COL4A5: variants seen among roughly 807,000 people sequenced by gnomAD.
COL4A5 encodes collagen type IV alpha 5 chain.
A neutral mutation model predicts 130.2 loss-of-function variants in COL4A5; 26 were observed. The observed-to-expected ratio is 0.20, with a 90% CI of 0.15 to 0.28. COL4A5 has a LOEUF of 0.28. COL4A5 is among the 10% of genes least tolerant of loss of function. COL4A5 has a pLI of 1.00. For synonymous variants in COL4A5, 496 were observed against 439.6 expected, an observed-to-expected ratio of 1.13 and a Z score of -1.60; for missense variants, 1,131 against 1,344.3, an observed-to-expected ratio of 0.84 and a Z score of 2.48.
chrX:108,633,932 T>G (rs1280403499), intron 36 of COL4A5, among the ~76,000 whole-genome samples: 1 of 111,746 alleles, frequency 8.9e-6, no homozygotes, highest in Non-Finnish European at 1.9e-5. Flanking sequence ...TTAACACCGA[T>G]CCACAACAAC....
chrX:108,680,612 A>G, intron 44 of COL4A5, 67 bp from the exon 45 acceptor site: 1 of 826,552 alleles, frequency 1.2e-6, no homozygotes, highest in Non-Finnish European at 1.8e-6. Context: ...TGTAATTCTT[A>G]TGCCCTCAAT....
intron 1 of COL4A5, among the ~76,000 whole-genome samples, chrX:108,536,202 T>C (rs1265068785): frequency 9.0e-6 from 1 of 111,199 alleles, no homozygotes; most frequent in Non-Finnish European, 1.9e-5. Flanking sequence ...TAGCACCATA[T>C]GTTGAAAAAT....
At chrX:108,504,779 A>G (rs1464317793) in intron 1 of COL4A5, among the ~76,000 whole-genome samples, 1 of 112,318 alleles carries the variant, frequency 8.9e-6, no homozygotes. Context: ...GAACACTTCT[A>G]CACTGCTGGT....
chrX:108,508,154 A>C (rs764096072), intron 1 of COL4A5, among the ~76,000 whole-genome samples: 4 of 111,356 alleles, frequency 3.6e-5, no homozygotes, highest in African/African-American at 1.3e-4. Context: ...GTCTTGGCCC[A>C]GAAGCTCCTT....
At chrX:108,516,898 T>C (rs781673196) in intron 1 of COL4A5, among the ~76,000 whole-genome samples, 155 of 111,678 alleles carry the variant, frequency 1.4e-3, no homozygotes, top group Non-Finnish European at 2.5e-3. Context: ...AGTGTTAGCC[T>C]ACGGTGCTAT....
intron 49 of COL4A5, among the ~76,000 whole-genome samples, chrX:108,691,778 A>G (rs1340926571): frequency 8.9e-6 from 1 of 112,049 alleles, no homozygotes; most frequent in Non-Finnish European, 1.9e-5. Context: ...ACAAGTTTAT[A>G]TATTTTCTAT....
chrX:108,542,842 A>G (rs2065570375), intron 2 of COL4A5, among the ~76,000 whole-genome samples: 2 of 105,625 alleles, frequency 1.9e-5, no homozygotes, highest in South Asian at 8.5e-4. Context: ...TTTGATTTGC[A>G]TTTCTCTGAT....
intron 1 of COL4A5, among the ~76,000 whole-genome samples, chrX:108,502,519 A>G (rs1395055616): frequency 9.0e-6 from 1 of 111,376 alleles, no homozygotes; most frequent in South Asian, 3.8e-4. Flanking sequence ...TCCCGACCTC[A>G]GGTGATCTGC....
intron 50 of COL4A5, among the ~76,000 whole-genome samples, chrX:108,693,390 A>G (rs2068668052): frequency 9.0e-6 from 1 of 111,662 alleles, no homozygotes; most frequent in South Asian, 3.7e-4. Context: ...ATAAATGACA[A>G]TGGGTAATAA....
chrX:108,485,782 G>A (rs769812100), intron 1 of COL4A5, among the ~76,000 whole-genome samples: 37 of 110,578 alleles, frequency 3.3e-4, no homozygotes, highest in Non-Finnish European at 6.2e-4. Context: ...GGTTGAGGGA[G>A]CGGTGACACA....
intron 36 of COL4A5, among the ~76,000 whole-genome samples, chrX:108,634,625 G>A (rs1475030341): frequency 1.8e-5 from 2 of 111,081 alleles, no homozygotes; most frequent in Non-Finnish European, 3.8e-5. Flanking sequence ...AATTACTCTT[G>A]GTAACTTTTT....
rs773965814 is a variant in COL4A5 at position 108,681,788 on chromosome X, A to C, written c.4116A>C (p.Gly1372=). Residue 1372 remains glycine (G), a synonymous_variant, in exon 47 of 53, where the codon GGA becomes GGC. Transcript: ENST00000328300. The stretch of plus-strand genomic sequence containing the variant: ...CTCCTGGATTACCTGGTCCTTCAGG[A>C]CAGAGTATCATAATTAAAGGAGATG... ...PGPPGLPGPS[G]QSIIIKGDAG... 2.5e-6 allele frequency: 3 copies of C among 1,208,458 alleles called. No homozygotes were observed. Among genetic ancestry groups the C allele is most frequent in the Non-Finnish European group, 3.4e-6 (3 of 893,057 alleles).
intron 30 of COL4A5, among the ~76,000 whole-genome samples, chrX:108,616,239 TTTTTG>T (rs1180946043): frequency 9.1e-6 from 1 of 109,980 alleles, no homozygotes; most frequent in Non-Finnish European, 1.9e-5. Flanking sequence ...GTTGTTGTTG[TTTTTG>T]TTTTGTTTTG....
intron 1 of COL4A5, among the ~76,000 whole-genome samples, chrX:108,534,709 C>G (rs142786530): frequency 2.2e-3 from 241 of 111,456 alleles, no homozygotes; most frequent in South Asian, 4.9e-3. Flanking sequence ...AATTTTCACT[C>G]TCTTGAAGGC....
At chrX:108,651,784 A>G (rs2067734911) in intron 36 of COL4A5, among the ~76,000 whole-genome samples, 1 of 111,586 alleles carries the variant, frequency 9.0e-6, no homozygotes, top group Non-Finnish European at 1.9e-5. Flanking sequence ...ACATACTACT[A>G]TTGAATTTCA....
At chrX:108,493,974 T>A (rs2065014085) in intron 1 of COL4A5, among the ~76,000 whole-genome samples, 1 of 111,763 alleles carries the variant, frequency 8.9e-6, no homozygotes, top group Non-Finnish European at 1.9e-5. Flanking sequence ...TATGCTTTGG[T>A]AACTTTGTTT....
intron 1 of COL4A5, among the ~76,000 whole-genome samples, chrX:108,474,384 T>C (rs1437378311): frequency 8.9e-6 from 1 of 112,182 alleles, no homozygotes; most frequent in Non-Finnish European, 1.9e-5. Context: ...GCCTACAATA[T>C]TTAGTACAGT....
rs1468542349 is a variant in COL4A5 at position 108,577,949 on chromosome X, T to C, written c.610-3T>C. The C allele has an allele frequency of 8.4e-7, 1 of 1,196,980 alleles. No homozygotes were observed. The highest frequency in any genetic ancestry group is 1.8e-5 in the South Asian group (1 of 55,740). ...TATTTTCTCTTTTGTCTTCTCTTCT[T>C]AGGGCCCTCCTGGTCCACCAGGACT... On this transcript the variant is annotated splice_region_variant and splice_polypyrimidine_tract_variant and intron_variant, in intron 10 of 52. Transcript: ENST00000328300.
rs2147813686 is a variant in COL4A5, at chrX:108,598,812, A to G, written c.1890A>G (p.Pro630=). 2.5e-6 allele frequency: 3 copies of G among 1,211,679 alleles called. No homozygotes were observed. Among genetic ancestry groups the G allele is most frequent in the Middle Eastern group, 2.4e-4 (1 of 4,215 alleles). The change falls in exon 25 of 53, where the codon CCA becomes CCG. Residue 630 remains proline, a synonymous_variant. Coordinates refer to ENST00000328300, the MANE Select transcript of COL4A5 (RefSeq NM_033380.3). ...CCCCTGGTTTCGGCCCTCCAGGCCCAGTAGGTGAAAAAGGCATACAAGGTG... is the reference window on the plus strand; with the variant it reads ...CCCCTGGTTTCGGCCCTCCAGGCCCGGTAGGTGAAAAAGGCATACAAGGTG... ...MGPPGFGPPG[P]VGEKGIQGVA... is the part of the protein sequence containing the mutation.
Sources: gnomAD v4.1 joint callset for allele counts (sites outside exome capture counted in the v4.1 genomes callset) on GRCh38, gnomAD v4.1.1 for gene constraint, MANE v1.5 for transcripts, NCBI Gene and HGNC (gene_info 2026-07-23, HGNC 2026-07-21) for gene names.